Variants in FHIP1B observed in about 807,000 individuals in gnomAD.
FHIP1B encodes the protein FHF complex subunit HOOK interacting protein 1B.
Under a neutral mutation model 82.2 loss-of-function variants are expected in FHIP1B, and 28 were observed. That is an observed-to-expected ratio of 0.34 (90% confidence interval 0.25 to 0.47). The LOEUF (loss-of-function observed/expected upper bound fraction) is 0.47, where lower values mean the gene tolerates loss of function less well. Among genes scored for constraint, FHIP1B ranks in the 20% least tolerant of loss-of-function variants. The pLI is 1.00. For synonymous variants in FHIP1B, 585 were observed against 516.1 expected (o/e 1.13, Z -1.81); for missense variants, 1,110 against 1,262.6 (o/e 0.88, Z 1.83).
rs773373606 is a variant in FHIP1B, at chr11:6,217,500, A to G, written c.2086T>C (p.Leu696=). 1.0e-4 allele frequency: 166 copies of G among 1,612,858 alleles called. 1 individual carries two copies. Among genetic ancestry groups the G allele is most frequent in the Middle Eastern group, 5.0e-4 (3 of 6,056 alleles). ...TCCTCAAGGGGCAGTGGAGGTTCTA[A>G]GGGGGACTCTGAGCCAGTTCCCCCA... The part of the protein sequence containing the change: ...SNGGTGSESP[L]EPPLPLEEEE... Residue 696 remains leucine (L), a synonymous_variant, in exon 9 of 12, where the codon TTA becomes CTA. Coordinates refer to ENST00000449352, the MANE Select transcript of FHIP1B (RefSeq NM_001098794.2).
chr11:6,219,798 A>G (rs186582778), intron 6 of FHIP1B, among the ~76,000 whole-genome samples: 131 of 152,328 alleles, frequency 8.6e-4, no homozygotes, highest in African/African-American at 2.8e-3. Context: ...AGACACCTTG[A>G]GCTCCCTGAA....
At position 6,216,363 on chromosome 11, in the gene FHIP1B, G is replaced by A. The variant is rs1408588299; in HGVS notation, c.2215+1008C>T. The stretch of plus-strand genomic sequence containing the variant: ...TGTTTGCCTTAGTCAACTTAAATCT[G>A]CTATGTACCCAGAGATCCTAGTGAA... On this transcript the variant is annotated intron_variant, in intron 9 of 11. Transcript: ENST00000449352. 2.6e-5 allele frequency among the ~76,000 whole-genome samples: 4 copies of A among 152,332 alleles called. No individual in the cohort carries two copies. In the East Asian group the frequency reaches 7.7e-4, roughly 29 times the overall value.
At chr11:6,215,089 A>T in intron 9 of FHIP1B, 178 bp from the exon 10 acceptor site, 1 of 525,164 alleles carries the variant, frequency 1.9e-6, no homozygotes, top group Non-Finnish European at 3.2e-6. Flanking sequence ...GGCAGACACC[A>T]TATGGACCCA....
chr11:6,226,405 A>G (rs1847565940), intron 1 of FHIP1B, among the ~76,000 whole-genome samples: 1 of 152,270 alleles, frequency 6.6e-6, no homozygotes, highest in Non-Finnish European at 1.5e-5. Flanking sequence ...CAGTTGAGGT[A>G]GCATAAACAT....
intron 9 of FHIP1B, among the ~76,000 whole-genome samples, chr11:6,216,359 A>G (rs930935815): frequency 6.6e-6 from 1 of 152,236 alleles, no homozygotes; most frequent in African/African-American, 2.4e-5. Flanking sequence ...GTCAACTTAA[A>G]TCTGCTATGT....
intron 9 of FHIP1B, chr11:6,217,110 G>A: frequency 1.4e-6 from 1 of 703,154 alleles, no homozygotes; most frequent in East Asian, 2.7e-5. Flanking sequence ...AGGGAAAGAG[G>A]AGGAACATGC....
Position 6,211,481 on chromosome 11 carries a change from G to A in FHIP1B, c.*25C>T. 1 of 1,548,370 alleles carries A rather than the reference G, an allele frequency of 6.5e-7. No individual in the cohort carries two copies. Among genetic ancestry groups the A allele is most frequent in the Admixed American group, 2.1e-5 (1 of 47,842 alleles). ...CCTAGCCCCAGCCCGGGCCACCCAT[G>A]GCCCTGATTGTCCATGGAAGAAAGT... is the stretch of plus-strand genomic sequence containing the variant. On this transcript the variant is annotated 3_prime_UTR_variant, in exon 12 of 12. Coordinates refer to ENST00000449352, the MANE Select transcript of FHIP1B (RefSeq NM_001098794.2).
intron 6 of FHIP1B, among the ~76,000 whole-genome samples, chr11:6,220,181 T>C (rs1590620347): frequency 1.3e-5 from 2 of 152,240 alleles, no homozygotes; most frequent in Middle Eastern, 6.8e-3. Flanking sequence ...ATATCTATTA[T>C]CTATGGATGA....
At chr11:6,214,267 A>G (rs752419701) in intron 11 of FHIP1B, 144 bp downstream of exon 11, 37 of 998,216 alleles carry the variant, frequency 3.7e-5, no homozygotes, top group East Asian at 4.9e-5. Context: ...CCTGACCAGA[A>G]GCCTGAGAAC....
chr11:6,222,078 C>A (rs750507372), intron 6 of FHIP1B, among the ~76,000 whole-genome samples: 2 of 152,182 alleles, frequency 1.3e-5, no homozygotes, highest in Non-Finnish European at 2.9e-5. Flanking sequence ...AGCAGACACA[C>A]AACCTAAAGT....
chr11:6,217,142 C>T, intron 9 of FHIP1B: 1 of 703,914 alleles, frequency 1.4e-6, no homozygotes, highest in Non-Finnish European at 2.6e-6. Flanking sequence ...ACATACAAGG[C>T]TCAGATGTAA....
chr11:6,214,122 G>A (rs926821197), intron 11 of FHIP1B, among the ~76,000 whole-genome samples: 4 of 145,018 alleles, frequency 2.8e-5, no homozygotes, highest in African/African-American at 7.6e-5. Flanking sequence ...CATGTCAAAT[G>A]TCATGTCCTT....
intron 6 of FHIP1B, among the ~76,000 whole-genome samples, chr11:6,220,828 A>T (rs185169378): frequency 1.3e-5 from 2 of 152,328 alleles, no homozygotes; most frequent in Non-Finnish European, 2.9e-5. Context: ...TCAAAAAGAA[A>T]ATCAACTGTC....
chr11:6,223,876 C>A lies in FHIP1B; in HGVS notation c.511G>T (p.Ala171Ser). 1 of 1,614,240 alleles carries A rather than the reference C, an allele frequency of 6.2e-7. No individual in the cohort carries two copies. Among genetic ancestry groups the A allele is most frequent in the Non-Finnish European group, 8.5e-7 (1 of 1,180,042 alleles). Residue 171 changes from alanine (A) to serine (S), a missense_variant, in exon 3 of 12, where the codon GCA becomes TCA. Coordinates refer to ENST00000449352, the MANE Select transcript of FHIP1B (RefSeq NM_001098794.2). The surrounding 1 kb of genome is among the most constrained non-coding windows in gnomAD (Gnocchi z 4.8). ...AGTAGCACCAAGCCTTCATCCAGTG[C>A]TGGGCTACTGGGCACAGGGCGGCCA... ...ACGRPVPSSP[A>S]LDEGLVLLLS...
At position 6,223,053 on chromosome 11, in the gene FHIP1B, G is replaced by T; in HGVS notation, c.936+27C>A. On this transcript the variant is annotated intron_variant, in intron 4 of 11. Transcript: ENST00000449352. The surrounding 1 kb of genome is among the most constrained non-coding windows in gnomAD (Gnocchi z 4.8). ...CCCTCCTACCTAATCTCCCAAAAAT[G>T]ACCAAGGGCCAGACTTTCAGTCCTA... 1.3e-6 allele frequency: 2 copies of T among 1,571,694 alleles called. No individual in the cohort carries two copies. Among genetic ancestry groups the T allele is most frequent in the South Asian group, 2.3e-5 (2 of 85,222 alleles).
intron 1 of FHIP1B, among the ~76,000 whole-genome samples, chr11:6,233,887 G>A (rs1847768675): frequency 6.6e-6 from 1 of 152,166 alleles, no homozygotes; most frequent in African/African-American, 2.4e-5. Flanking sequence ...AGGAACTGAA[G>A]TTTCTGTGAT....
rs1480057347 is a variant in FHIP1B at position 6,211,345 on chromosome 11, T to C, written c.*161A>G. ...ATGGGAAAGAAAAATGAGCACAGAA[T>C]AGAGATTTCCCTTTTATACATATTG... On this transcript the variant is annotated 3_prime_UTR_variant, in exon 12 of 12. Coordinates refer to ENST00000449352, the MANE Select transcript of FHIP1B (RefSeq NM_001098794.2). 2.7e-6 allele frequency: 3 copies of C among 1,128,976 alleles called. No individual in the cohort carries two copies. The highest frequency in any genetic ancestry group is 1.6e-5 in the African/African-American group (1 of 63,142). The allele number at this position is 1,128,976 out of a possible 1,614,324, so 69.9% of individuals were successfully genotyped here. A position where few individuals can be genotyped will look rare whatever the true frequency, so the allele number is the denominator to read the frequency against.
chr11:6,218,478 A>G, intron 8 of FHIP1B, 122 bp downstream of exon 8: 1 of 1,458,250 alleles, frequency 6.9e-7, no homozygotes, highest in Non-Finnish European at 9.4e-7. Context: ...CTCCCCAAAG[A>G]CAGACTATCA....
At chr11:6,219,462 C>T (rs1847346049) in intron 6 of FHIP1B, among the ~76,000 whole-genome samples, 1 of 152,184 alleles carries the variant, frequency 6.6e-6, no homozygotes, top group South Asian at 2.1e-4. Context: ...TGTAGCAATA[C>T]AGTAACTGAA....
Sources: gnomAD v4.1 joint callset for allele counts (sites outside exome capture counted in the v4.1 genomes callset) on GRCh38, gnomAD v4.1.1 for gene constraint, Gnocchi (gnomAD v3.1) non-coding constraint, MANE v1.5 for transcripts, NCBI Gene and HGNC (gene_info 2026-07-23, HGNC 2026-07-21) for gene names.